The following IFITM2 variants were observed in gnomAD, a reference collection of about 807,000 sequenced individuals.
IFITM2 encodes interferon-induced transmembrane protein 2.
Under a neutral mutation model 5.9 loss-of-function variants are expected in IFITM2, and 3 were observed. That is an observed-to-expected ratio of 0.51 (90% CI 0.23 to 1.32). The LOEUF is 1.32. IFITM2 is among the 40% of genes most tolerant of loss of function. The pLI is 0.18. For missense variants in IFITM2, 159 were observed against 175.9 expected, an observed-to-expected ratio of 0.90 and a Z score of 0.54; for synonymous variants, 76 against 72.4, an observed-to-expected ratio of 1.05 and a Z score of -0.25.
Position 307,864 on chromosome 11 carries a change from G to A in IFITM2, c.-329G>A. ...TCAGCGCAGGCCTGGCAGGAGCCCT[G>A]AACCGGGACAGTGAGGTCCTGCAGC... is the stretch of plus-strand genomic sequence containing the variant. On this transcript the variant is annotated 5_prime_UTR_variant, in exon 1 of 2. Coordinates refer to ENST00000616316, the MANE Select transcript of IFITM2 (RefSeq NM_006435.3). 3.5e-6 allele frequency: 1 copy of A among 283,074 alleles called. No individual in the cohort carries two copies. The highest frequency in any genetic ancestry group is 6.2e-6 in the Non-Finnish European group (1 of 160,422). The allele number at this position is 283,074 out of a possible 1,614,324, so 17.5% of individuals were successfully genotyped here. A position where few individuals can be genotyped will look rare whatever the true frequency, so the allele number is the denominator to read the frequency against.
rs373569657 is a variant in IFITM2, at chr11:308,282, G to A, written c.90G>A (p.Met30Ile). 25 of 1,613,968 alleles carry A rather than the reference G, an allele frequency of 1.5e-5. No individual in the cohort carries two copies. In the Middle Eastern group the frequency reaches 4.9e-4, roughly 32 times the overall value. ...EMLKEEQEVAMLGVPHNPAPP... is the reference protein window; with the variant it reads ...EMLKEEQEVAILGVPHNPAPP... ...TCAAGGAGGAGCAGGAAGTGGCTATGCTGGGGGTGCCCCACAACCCTGCTC... is the reference window on the plus strand; with the variant it reads ...TCAAGGAGGAGCAGGAAGTGGCTATACTGGGGGTGCCCCACAACCCTGCTC... Residue 30 changes from methionine (M) to isoleucine (I), a missense_variant, in exon 1 of 2, where the codon ATG becomes ATA. Transcript: ENST00000616316.
In IFITM2 at chr11:309,319, A is replaced by G. The variant is rs1416673255; in HGVS notation, c.*154A>G. 6.5e-7 allele frequency: 1 copy of G among 1,546,924 alleles called. No individual in the cohort carries two copies. The highest frequency in any genetic ancestry group is 1.4e-5 in the African/African-American group (1 of 73,296). On this transcript the variant is annotated 3_prime_UTR_variant, in exon 2 of 2. Coordinates refer to ENST00000616316, the MANE Select transcript of IFITM2 (RefSeq NM_006435.3). ...CTTCCATTCCTCGCCCTGTCCCCAC[A>G]GCCGAGTCCTGCATCAGCCCTTTAT...
At chr11:308,575 C>T (rs1252206328) in intron 1 of IFITM2, 137 bp downstream of exon 1, 27 of 1,337,422 alleles carry the variant, frequency 2.0e-5, no homozygotes, top group African/African-American at 2.9e-5. Flanking sequence ...TGTGTGCCCA[C>T]GTCAGTGGCT....
chr11:309,311 G>C lies in IFITM2; in HGVS notation c.*146G>C, dbSNP rs1845999899. 6.4e-7 allele frequency: 1 copy of C among 1,558,708 alleles called. No homozygotes were observed. The highest frequency in any genetic ancestry group is 8.7e-7 in the Non-Finnish European group (1 of 1,150,482). On this transcript the variant is annotated 3_prime_UTR_variant, in exon 2 of 2. Transcript: ENST00000616316. Reference sequence around the variant, plus strand: ...TACTCCACCTTCCATTCCTCGCCCTGTCCCCACAGCCGAGTCCTGCATCAG... The same window carrying C: ...TACTCCACCTTCCATTCCTCGCCCTCTCCCCACAGCCGAGTCCTGCATCAG...
At position 308,607 on chromosome 11, in the gene IFITM2, G is replaced by T; in HGVS notation, c.246+169G>T. On this transcript the variant is annotated intron_variant, in intron 1 of 1. Coordinates refer to ENST00000616316, the MANE Select transcript of IFITM2 (RefSeq NM_006435.3). ...GGCTTTGTCTGTGTGATCTGTGTGT[G>T]TGTGTGGCTTGGGGAATCTGCCCAG... 3.7e-6 allele frequency: 4 copies of T among 1,087,314 alleles called. No individual in the cohort carries two copies. In the East Asian group the frequency reaches 9.8e-5, roughly 27 times the overall value. 67.4% of individuals were successfully genotyped at this position (1,087,314 alleles called of 1,614,324 possible).
rs112604330 is a variant in IFITM2 at position 308,004 on chromosome 11, C to G, written c.-189C>G. ...TCTAGAGAGGAAGCCCCTCTTAGCC[C>G]TCAGCCCCTCTTTCCTCCCTCTCCT... On this transcript the variant is annotated 5_prime_UTR_variant, in exon 1 of 2. Transcript: ENST00000616316. 178 of 696,070 alleles carry G rather than the reference C, an allele frequency of 2.6e-4. 3 individuals carry two copies. The highest frequency in any genetic ancestry group is 2.4e-3 in the South Asian group (134 of 55,736). The allele number at this position is 696,070 out of a possible 1,614,324, so 43.1% of individuals were successfully genotyped here. A position where few individuals can be genotyped will look rare whatever the true frequency, so the allele number is the denominator to read the frequency against.
Position 309,353 on chromosome 11 carries a change from G to A in IFITM2, c.*188G>A, listed in dbSNP as rs540396690. 284 of 1,441,810 alleles carry A rather than the reference G, an allele frequency of 2.0e-4. 1 individual carries two copies. In the African/African-American group the frequency reaches 2.2e-3, roughly 11 times the overall value. The allele number at this position is 1,441,810 out of a possible 1,614,324, so 89.3% of individuals were successfully genotyped here. A position where few individuals can be genotyped will look rare whatever the true frequency, so the allele number is the denominator to read the frequency against. ...CTGCATCAGCCCTTTATCCTCACAC[G>A]CTTTTCTACAATGGCATTCAATAAA... On this transcript the variant is annotated 3_prime_UTR_variant, in exon 2 of 2. Coordinates refer to ENST00000616316, the MANE Select transcript of IFITM2 (RefSeq NM_006435.3).
In IFITM2 at chr11:308,445, A is replaced by T. The variant is rs1430799464; in HGVS notation, c.246+7A>T. The stretch of plus-strand genomic sequence containing the variant: ...ATTCGCGTACTCCGTGAAGGTGCGT[A>T]TGGCCCTGGCGGAAATCCAGGGGGT... On this transcript the variant is annotated splice_region_variant and intron_variant, in intron 1 of 1. Transcript: ENST00000616316. 1 of 1,612,604 alleles carries T rather than the reference A, an allele frequency of 6.2e-7. No homozygotes were observed. Among genetic ancestry groups the T allele is most frequent in the East Asian group, 2.2e-5 (1 of 44,848 alleles).
Position 309,392 on chromosome 11 carries a change from T to C in IFITM2, c.*227T>C. On this transcript the variant is annotated 3_prime_UTR_variant, in exon 2 of 2. Coordinates refer to ENST00000616316, the MANE Select transcript of IFITM2 (RefSeq NM_006435.3). ...GCATTCAATAAAGTGTATATGTTTC[T>C]GGTGCTGCTGTGACTTCACCTGGGG... 8.4e-7 allele frequency: 1 copy of C among 1,194,482 alleles called. No individual in the cohort carries two copies. The highest frequency in any genetic ancestry group is 1.1e-6 in the Non-Finnish European group (1 of 873,388). The allele number at this position is 1,194,482 out of a possible 1,614,324, so 74.0% of individuals were successfully genotyped here. A position where few individuals can be genotyped will look rare whatever the true frequency, so the allele number is the denominator to read the frequency against.
chr11:308,228 C>CAG lies in IFITM2; in HGVS notation c.37_38dup (p.Ser13ArgfsTer33). ...TTGTGCAAACCTTCTCTCCTGTCAACAGCGGCCAGCCTCCCAACTACGAGA... is the reference window on the plus strand; with the variant it reads ...TTGTGCAAACCTTCTCTCCTGTCAACAGAGCGGCCAGCCTCCCAACTACGAGA... On this transcript the variant is annotated frameshift_variant, in exon 1 of 2. Coordinates refer to ENST00000616316, the MANE Select transcript of IFITM2 (RefSeq NM_006435.3). LOFTEE classifies it high-confidence loss of function. 6.2e-7 allele frequency: 1 copy of CAG among 1,614,182 alleles called. No individual in the cohort carries two copies. The highest frequency in any genetic ancestry group is 8.5e-7 in the Non-Finnish European group (1 of 1,180,032).
intron 1 of IFITM2, chr11:308,668 G>A (rs1845992909): frequency 2.6e-6 from 2 of 777,828 alleles, no homozygotes; most frequent in Non-Finnish European, 2.2e-6. Flanking sequence ...AGGCTGGCTG[G>A]CTGGCTCAGA....
In IFITM2 at chr11:308,272, A is replaced by T. The variant is rs1483371223; in HGVS notation, c.80A>T (p.Glu27Val). The change falls in exon 1 of 2, where the codon GAA (glutamate) becomes GTA (valine). Residue 27 changes from glutamate to valine, a missense_variant. Transcript: ENST00000616316. ...TACGAGATGCTCAAGGAGGAGCAGG[A>T]AGTGGCTATGCTGGGGGTGCCCCAC... ...PNYEMLKEEQ[E>V]VAMLGVPHNP... 3.1e-6 allele frequency: 5 copies of T among 1,613,986 alleles called. No individual in the cohort carries two copies. In the Admixed American group the frequency reaches 6.7e-5, roughly 22 times the overall value.
In IFITM2 at chr11:309,180, T is replaced by C. The variant is rs143034642; in HGVS notation, c.*15T>C. On this transcript the variant is annotated 3_prime_UTR_variant, in exon 2 of 2. Coordinates refer to ENST00000616316, the MANE Select transcript of IFITM2 (RefSeq NM_006435.3). ...CCCAGCGATAGATCAGGAGGCATCA[T>C]TGAGGCCAGGAGCTCTGCCCGTGAC... is the stretch of plus-strand genomic sequence containing the variant. The C allele has an allele frequency of 6.0e-5, 97 of 1,614,142 alleles. No homozygotes were observed. Among genetic ancestry groups the C allele is most frequent in the African/African-American group, 8.0e-5 (6 of 75,052 alleles).
intron 1 of IFITM2, 145 bp from the exon 2 acceptor site, chr11:308,868 G>A (rs1845994780): frequency 6.4e-6 from 8 of 1,245,788 alleles, no homozygotes; most frequent in Middle Eastern, 4.6e-4. Flanking sequence ...GAGCCCCGAG[G>A]CTCCTGGAGA....
chr11:308,424 G>C lies in IFITM2; in HGVS notation c.232G>C (p.Ala78Pro). The change falls in exon 1 of 2, where the codon GCG becomes CCG. Residue 78 changes from alanine (A) to proline (P), a missense_variant. Transcript: ENST00000616316. ...CTGCTGCCTGGGCTTCATAGCATTCGCGTACTCCGTGAAGGTGCGTATGGC... is the reference window on the plus strand; with the variant it reads ...CTGCTGCCTGGGCTTCATAGCATTCCCGTACTCCGTGAAGGTGCGTATGGC... Reference protein sequence around the residue: ...NTCCLGFIAFAYSVKSRDRKM... With the variant: ...NTCCLGFIAFPYSVKSRDRKM... The C allele has an allele frequency of 3.7e-6, 6 of 1,613,646 alleles. No homozygotes were observed. Among genetic ancestry groups the C allele is most frequent in the Non-Finnish European group, 5.1e-6 (6 of 1,179,690 alleles).
chr11:308,614 G>A, intron 1 of IFITM2, 176 bp downstream of exon 1: 2 of 1,041,838 alleles, frequency 1.9e-6, no homozygotes, highest in Non-Finnish European at 2.9e-6. Context: ...TGTGTGTGTG[G>A]CTTGGGGAAT....
rs374724748 is a variant in IFITM2, at chr11:308,249, C to G, written c.57C>G (p.Tyr19Ter). Reference protein sequence around the residue: ...SPVNSGQPPNYEMLKEEQEVA... With the variant: ...SPVNSGQPPN The stretch of plus-strand genomic sequence containing the variant: ...TCAACAGCGGCCAGCCTCCCAACTA[C>G]GAGATGCTCAAGGAGGAGCAGGAAG... Residue 19 changes from tyrosine to a stop codon, truncating the protein, a stop_gained, in exon 1 of 2, where the codon TAC becomes TAG. Coordinates refer to ENST00000616316, the MANE Select transcript of IFITM2 (RefSeq NM_006435.3). LOFTEE classifies it high-confidence loss of function. The G allele has an allele frequency of 6.2e-7, 1 of 1,614,018 alleles. No homozygotes were observed. The highest frequency in any genetic ancestry group is 1.3e-5 in the African/African-American group (1 of 74,904).
At position 309,246 on chromosome 11, in the gene IFITM2, C is replaced by T. The variant is rs755079322; in HGVS notation, c.*81C>T. ...TCTATCTTCCATTCCTCGCCCTGCC[C>T]CCAGAGGCCAGGAGCTCTGCCCTTG... On this transcript the variant is annotated 3_prime_UTR_variant, in exon 2 of 2. Transcript: ENST00000616316. 4.3e-6 allele frequency: 7 copies of T among 1,611,952 alleles called. No homozygotes were observed. The East Asian group carries it at 8.9e-5, about 21-fold the overall frequency.
Position 308,126 on chromosome 11 carries a change from C to G in IFITM2, c.-67C>G. The G allele has an allele frequency of 1.3e-6, 2 of 1,579,172 alleles. No individual in the cohort carries two copies. The highest frequency in any genetic ancestry group is 1.7e-6 in the Non-Finnish European group (2 of 1,157,618). On this transcript the variant is annotated 5_prime_UTR_variant, in exon 1 of 2. Coordinates refer to ENST00000616316, the MANE Select transcript of IFITM2 (RefSeq NM_006435.3). ...CAGGAAGAGGAAACTGTTGAGAAAA[C>G]GGAACTACTGGGGAAAGGGAGGGCT... is the stretch of plus-strand genomic sequence containing the variant.
Sources: allele counts gnomAD v4.1 joint callset, GRCh38; gene constraint gnomAD v4.1.1; transcripts MANE v1.5; gene names NCBI Gene and HGNC (gene_info 2026-07-23, HGNC 2026-07-21).